The following VPS13A variants were observed in gnomAD, a reference collection of about 807,000 sequenced individuals.
VPS13A encodes intermembrane lipid transfer protein VPS13A.
VPS13A carries 264 observed loss-of-function variants against 390.9 expected under a neutral mutation model. The ratio of observed to expected loss-of-function variants is 0.68; its 90% confidence interval spans 0.61 to 0.75. The LOEUF (loss-of-function observed/expected upper bound fraction) is 0.75, where lower values mean the gene tolerates loss of function less well. VPS13A is among the 30% of genes least tolerant of loss of function. The pLI is 0.00. For synonymous variants in VPS13A, 1,231 were observed against 1,227.1 expected (o/e 1.00, Z -0.07); for missense variants, 3,409 against 3,733.9 (o/e 0.91, Z 2.27).
At chr9:77,385,280 T>C (rs998979369) in intron 68 of VPS13A, 10 of 567,496 alleles carry the variant, frequency 1.8e-5, no homozygotes, top group Non-Finnish European at 2.2e-5. Flanking sequence ...GAAGAGTAGA[T>C]AGTAAAATAA....
intron 52 of VPS13A, among the ~76,000 whole-genome samples, chr9:77,345,632 A>G (rs1310744655): frequency 1.3e-5 from 2 of 152,088 alleles, no homozygotes; most frequent in South Asian, 2.1e-4. Context: ...TTGCTGTTAT[A>G]TCTTCTTAGT....
chr9:77,399,186 A>T (rs1587719543), intron 68 of VPS13A, among the ~76,000 whole-genome samples: 11 of 118,488 alleles, frequency 9.3e-5, no homozygotes, highest in East Asian at 2.1e-4. Context: ...AAAAATAAAA[A>T]AAAAAAAAAA....
In VPS13A at chr9:77,228,283, T is replaced by C. The variant is rs1275786723; in HGVS notation, c.1595+19T>C. On this transcript the variant is annotated intron_variant, in intron 17 of 71. Coordinates refer to ENST00000360280, the MANE Select transcript of VPS13A (RefSeq NM_033305.3). Reference sequence around the variant, plus strand: ...CAATAAAGTAAGTATTAATTTATCTTTTTTTATCATATATGAAAAAACTTC... The same window carrying C: ...CAATAAAGTAAGTATTAATTTATCTCTTTTTATCATATATGAAAAAACTTC... The C allele has an allele frequency of 6.4e-7, 1 of 1,562,122 alleles. No homozygotes were observed. The highest frequency in any genetic ancestry group is 2.4e-5 in the East Asian group (1 of 41,680).
At chr9:77,406,673 T>C (rs1438068878) in intron 70 of VPS13A, among the ~76,000 whole-genome samples, 1 of 151,878 alleles carries the variant, frequency 6.6e-6, no homozygotes, top group Non-Finnish European at 1.5e-5. Flanking sequence ...TGCCTCAGCC[T>C]CCCAAAGTAC....
rs138039678 is a variant in VPS13A, at chr9:77,381,749, A to C, written c.9078-227A>C. Reference sequence around the variant, plus strand: ...GGAAAAGAAAAAGCAACAATTGCTAATATTGTGATTATTATCACAAAGAAA... The same window carrying C: ...GGAAAAGAAAAAGCAACAATTGCTACTATTGTGATTATTATCACAAAGAAA... On this transcript the variant is annotated intron_variant, in intron 67 of 71. Transcript: ENST00000360280. 4.7e-3 allele frequency among the ~76,000 whole-genome samples: 719 copies of C among 152,306 alleles called. 6 individuals carry two copies. The highest frequency in any genetic ancestry group is 0.016 in the African/African-American group (681 of 41,586).
rs912150723 is a variant in VPS13A, at chr9:77,315,339, C to T, written c.4499C>T (p.Ala1500Val). 1.1e-5 allele frequency: 18 copies of T among 1,613,754 alleles called. No individual in the cohort carries two copies. Among genetic ancestry groups the T allele is most frequent in the African/African-American group, 4.0e-5 (3 of 74,880 alleles). ...RKVRDGCVTD[A>V]VFQEMYICAS... ...GTCAGAGATGGTTGTGTGACTGATG[C>T]GGTCTTTCAAGAAATGTATATTTGT... Residue 1500 changes from alanine (A) to valine (V), a missense_variant, in exon 38 of 72, where the codon GCG becomes GTG. By Grantham distance (64) the Ala-to-Val change is moderately conservative. Around this residue, in one of 5 missense-constraint regions of VPS13A, gnomAD observed 2,717 missense variants for 2,917.4 expected, o/e 0.93. Transcript: ENST00000360280.
In VPS13A at chr9:77,316,196, G is replaced by A. The variant is rs1230725988; in HGVS notation, c.4653G>A (p.Lys1551=). 6.2e-7 allele frequency: 1 copy of A among 1,611,612 alleles called. No individual in the cohort carries two copies. Among genetic ancestry groups the A allele is most frequent in the Non-Finnish European group, 8.5e-7 (1 of 1,178,290 alleles). ...KEEVPTQESV[K]WEINVIIKNP... ...TAGTACCTACACAGGAATCAGTGAA[G>A]TGGGAAATTAATGTTATTATTAAAA... The change falls in exon 39 of 72, where the codon AAG becomes AAA. Residue 1551 remains lysine (K), a synonymous_variant. Transcript: ENST00000360280.
intron 38 of VPS13A, 80 bp downstream of exon 38, chr9:77,315,550 T>A (rs781734784): frequency 9.1e-6 from 12 of 1,322,752 alleles, no homozygotes; most frequent in Non-Finnish European, 1.2e-5. Flanking sequence ...GCCTTTTAGA[T>A]CATCAAAGTA....
chr9:77,206,467 C>A (rs147831747), intron 5 of VPS13A, among the ~76,000 whole-genome samples: 1 of 151,982 alleles, frequency 6.6e-6, no homozygotes, highest in Non-Finnish European at 1.5e-5. Context: ...CAATTCTTCA[C>A]CCTTTTGGAG....
At chr9:77,235,923 G>A (rs12350247) in intron 17 of VPS13A, among the ~76,000 whole-genome samples, 6,230 of 152,158 alleles carry the variant, frequency 0.041, 215 homozygotes, top group African/African-American at 0.092. Flanking sequence ...ATCTTACTTT[G>A]AGTATCCATA....
chr9:77,303,752 A>G (rs532055924), intron 34 of VPS13A, among the ~76,000 whole-genome samples: 49 of 152,304 alleles, frequency 3.2e-4, no homozygotes, highest in African/African-American at 7.0e-4. Context: ...CGTGCACGTA[A>G]GCCAGATTTA....
chr9:77,193,942 T>A (rs1006098257), intron 1 of VPS13A, among the ~76,000 whole-genome samples: 1 of 152,154 alleles, frequency 6.6e-6, no homozygotes, highest in Non-Finnish European at 1.5e-5. Flanking sequence ...GCTATAACCC[T>A]GGGGTGTTAG....
At position 77,368,101 on chromosome 9, in the gene VPS13A, C is replaced by T; in HGVS notation, c.8518C>T (p.Leu2840=). 1 of 1,612,498 alleles carries T rather than the reference C, an allele frequency of 6.2e-7. No homozygotes were observed. Among genetic ancestry groups the T allele is most frequent in the Non-Finnish European group, 8.5e-7 (1 of 1,179,480 alleles). The change falls in exon 62 of 72, where the codon CTA becomes TTA. Residue 2840 remains leucine, a synonymous_variant. Transcript: ENST00000360280. The stretch of plus-strand genomic sequence containing the variant: ...CTATCAGTTCCATACAACATCCGAT[C>T]TACAGTCTGAAGTCATAAGACACTA... ...LNYQFHTTSD[L]QSEVIRHYSK... is the part of the protein sequence containing the mutation.
intron 31 of VPS13A, among the ~76,000 whole-genome samples, chr9:77,289,632 T>C (rs1827532464): frequency 6.6e-6 from 1 of 152,210 alleles, no homozygotes; most frequent in Non-Finnish European, 1.5e-5. Flanking sequence ...ACTCACAATG[T>C]GTACCTATTG....
chr9:77,340,774 C>T (rs776490205), intron 50 of VPS13A: 4 of 507,914 alleles, frequency 7.9e-6, no homozygotes, highest in African/African-American at 3.9e-5. Flanking sequence ...GGGAGGTAGA[C>T]GTTTAACAAT....
chr9:77,275,716 T>C, intron 25 of VPS13A, 64 bp downstream of exon 25: 1 of 1,514,370 alleles, frequency 6.6e-7, no homozygotes, highest in Non-Finnish European at 9.1e-7. Context: ...TACAGCTTAC[T>C]ATATAGTCTC....
At chr9:77,194,923 C>G (rs544973236) in intron 1 of VPS13A, among the ~76,000 whole-genome samples, 2 of 152,232 alleles carry the variant, frequency 1.3e-5, no homozygotes, top group South Asian at 4.1e-4. Context: ...TCTCTGTTGT[C>G]TGTTCACTGT....
At chr9:77,401,329 TTGTGTGTGTGTGTGTGTGTGTGTG>T (rs4012461) in intron 68 of VPS13A, among the ~76,000 whole-genome samples, 31 of 140,520 alleles carry the variant, frequency 2.2e-4, no homozygotes, top group South Asian at 7.4e-4. Context: ...TCACATGAAG[TTGTGTGTGTGTGTGTGTGTGTGTG>T]TGTGTGTGTG....
intron 27 of VPS13A, 109 bp downstream of exon 27, chr9:77,280,347 C>T: frequency 1.2e-6 from 1 of 859,634 alleles, no homozygotes; most frequent in Admixed American, 2.0e-5. Context: ...GTAACATAAT[C>T]TCTTTGTAAC....
Sources: allele counts gnomAD v4.1 joint callset (sites outside exome capture counted in the v4.1 genomes callset), GRCh38; gene constraint gnomAD v4.1.1; regional missense constraint gnomAD v4.1.1; transcripts MANE v1.5; gene names NCBI Gene and HGNC (gene_info 2026-07-23, HGNC 2026-07-21).